ARHGEF28: variants seen among roughly 807,000 people sequenced by gnomAD.
ARHGEF28 encodes 190 kDa guanine nucleotide exchange factor.
ARHGEF28 carries 152 observed loss-of-function variants against 206.6 expected under a neutral mutation model. The ratio of observed to expected loss-of-function variants is 0.74; its 90% CI spans 0.64 to 0.84. ARHGEF28 has a LOEUF of 0.84. Among genes scored for constraint, ARHGEF28 ranks in the 40% least tolerant of loss-of-function variants. ARHGEF28 has a pLI of 0.00. For synonymous variants in ARHGEF28, 763 were observed against 776.4 expected (o/e 0.98, Z 0.29); for missense variants, 2,028 against 2,073.2 (o/e 0.98, Z 0.42).
intron 1 of ARHGEF28, among the ~76,000 whole-genome samples, chr5:73,667,152 C>T (rs1025240520): frequency 2.1e-4 from 32 of 152,090 alleles, no homozygotes; most frequent in African/African-American, 6.8e-4. Context: ...TTGTGGTTAG[C>T]GAGGGAGTGG....
chr5:73,927,938 T>G (rs1763909846), intron 35 of ARHGEF28, among the ~76,000 whole-genome samples: 1 of 152,186 alleles, frequency 6.6e-6, no homozygotes, highest in Non-Finnish European at 1.5e-5. Context: ...GTGGCTGTGG[T>G]TCGGAAAGAT....
At chr5:73,740,023 T>A (rs867605941) in intron 2 of ARHGEF28, among the ~76,000 whole-genome samples, 8 of 125,808 alleles carry the variant, frequency 6.4e-5, no homozygotes, top group African/African-American at 9.1e-5. Flanking sequence ...AAAAAAAAAA[T>A]TTAGCTAGGT....
At chr5:73,746,427 C>T (rs1292425675) in intron 2 of ARHGEF28, among the ~76,000 whole-genome samples, 1 of 151,850 alleles carries the variant, frequency 6.6e-6, no homozygotes, top group Non-Finnish European at 1.5e-5. Flanking sequence ...ATGTATTATG[C>T]CATGAGTATA....
intron 16 of ARHGEF28, among the ~76,000 whole-genome samples, chr5:73,863,584 C>T (rs1449226008): frequency 1.3e-5 from 2 of 151,836 alleles, no homozygotes; most frequent in Admixed American, 1.3e-4. Context: ...AGTCTCACAT[C>T]CTATTCTCCC....
chr5:73,674,051 G>C (rs1014085267), intron 1 of ARHGEF28, among the ~76,000 whole-genome samples: 27 of 150,984 alleles, frequency 1.8e-4, no homozygotes, highest in African/African-American at 6.3e-4. Flanking sequence ...TGCTCCTGCA[G>C]TTCCAGCTAC....
intron 35 of ARHGEF28, chr5:73,911,809 C>A: frequency 2.1e-6 from 1 of 470,290 alleles, no homozygotes. Context: ...ATGCTCACAA[C>A]ATGTGAGAAC....
intron 9 of ARHGEF28, chr5:73,813,805 G>A: frequency 1.1e-6 from 1 of 903,380 alleles, no homozygotes; most frequent in Non-Finnish European, 1.6e-6. Flanking sequence ...AACACTCACT[G>A]TACAGATACA....
intron 8 of ARHGEF28, 75 bp from the exon 9 acceptor site, chr5:73,795,256 C>A: frequency 7.2e-7 from 1 of 1,381,784 alleles, no homozygotes; most frequent in Non-Finnish European, 1.0e-6. Flanking sequence ...GGTTGTTTTT[C>A]TAGTTCACAA....
In ARHGEF28 at chr5:73,840,910, T is replaced by C. The variant is rs533101558; in HGVS notation, c.1427+150T>C. 34 of 902,884 alleles carry C rather than the reference T, an allele frequency of 3.8e-5. No homozygotes were observed. In the African/African-American group the frequency reaches 5.2e-4, roughly 14 times the overall value. 55.9% of individuals were successfully genotyped at this position (902,884 alleles called of 1,614,324 possible). On this transcript the variant is annotated intron_variant, in intron 11 of 35. Transcript: ENST00000513042. ...CTTTTAGGTTCCTATATTCACTGAT[T>C]TGAAAGTAAGACACTTAAGAAAACT...
intron 2 of ARHGEF28, among the ~76,000 whole-genome samples, chr5:73,700,727 T>C (rs1748548054): frequency 6.6e-6 from 1 of 152,172 alleles, no homozygotes; most frequent in Admixed American, 6.5e-5. Flanking sequence ...CATATCAAAA[T>C]ATCAAAGTGT....
At position 73,846,346 on chromosome 5, in the gene ARHGEF28, G is replaced by T. The variant is rs1228070531; in HGVS notation, c.1506G>T (p.Gly502=). Residue 502 remains glycine, a synonymous_variant, in exon 12 of 36, where the codon GGG becomes GGT. Transcript: ENST00000513042. ...SEPSHICYTP[G]SQSSSRTGIP... ...CATCCCACATCTGTTACACTCCAGGGTCTCAGAGCTCCTCAAGAACTGGGA... is the reference window on the plus strand; with the variant it reads ...CATCCCACATCTGTTACACTCCAGGTTCTCAGAGCTCCTCAAGAACTGGGA... The T allele has an allele frequency of 1.2e-6, 2 of 1,613,882 alleles. No individual in the cohort carries two copies. Among genetic ancestry groups the T allele is most frequent in the Admixed American group, 3.3e-5 (2 of 60,010 alleles).
At chr5:73,656,014 T>G (rs1471895307) in intron 1 of ARHGEF28, among the ~76,000 whole-genome samples, 3 of 152,292 alleles carry the variant, frequency 2.0e-5, no homozygotes, top group East Asian at 3.9e-4. Context: ...AGAACCAGTT[T>G]TTGAATGTCC....
At position 73,931,311 on chromosome 5, in the gene ARHGEF28, CAT is replaced by C. The variant is rs199806495; in HGVS notation, c.4949-9532_4949-9531del. ...TTGTCCCCTTATCTGAATTTTATCACATGTTTCAGTGAGGTCTTTCGTTAAAG... is the reference window on the plus strand; with the variant it reads ...TTGTCCCCTTATCTGAATTTTATCACGTTTCAGTGAGGTCTTTCGTTAAAG... On this transcript the variant is annotated intron_variant, in intron 35 of 35. Coordinates refer to ENST00000513042, the MANE Select transcript of ARHGEF28 (RefSeq NM_001177693.2). Among the ~76,000 whole-genome samples, 580 of 152,250 alleles carry C rather than the reference CAT, an allele frequency of 3.8e-3. 2 individuals carry two copies. The highest frequency in any genetic ancestry group is 0.013 in the African/African-American group (536 of 41,550).
intron 4 of ARHGEF28, among the ~76,000 whole-genome samples, chr5:73,755,901 C>A (rs1040571484): frequency 1.9e-4 from 29 of 152,136 alleles, no homozygotes; most frequent in Non-Finnish European, 3.8e-4. Flanking sequence ...CCAGGAGGTC[C>A]TTTCTGACCC....
chr5:73,698,646 G>C (rs562035416), intron 2 of ARHGEF28, among the ~76,000 whole-genome samples: 2 of 152,040 alleles, frequency 1.3e-5, no homozygotes, highest in South Asian at 4.2e-4. Flanking sequence ...TTGAGAATTC[G>C]CTACTGGGGA....
chr5:73,818,655 A>G (rs1054487103), intron 9 of ARHGEF28, among the ~76,000 whole-genome samples: 1 of 152,206 alleles, frequency 6.6e-6, no homozygotes, highest in African/African-American at 2.4e-5. Context: ...GCCTACTACC[A>G]TTGTCAGCAG....
chr5:73,846,854 T>C (rs923134994), intron 12 of ARHGEF28, among the ~76,000 whole-genome samples: 1 of 152,218 alleles, frequency 6.6e-6, no homozygotes, highest in African/African-American at 2.4e-5. Context: ...AATAATTGTA[T>C]GGCCCTGATG....
In ARHGEF28 at chr5:73,941,259, G is replaced by A. The variant is rs1180797431; in HGVS notation, c.*246G>A. 1 of 218,184 alleles carries A rather than the reference G, an allele frequency of 4.6e-6. No homozygotes were observed. Among genetic ancestry groups the A allele is most frequent in the Non-Finnish European group, 8.9e-6 (1 of 112,338 alleles). The allele number at this position is 218,184 out of a possible 1,614,324, so 13.5% of individuals were successfully genotyped here. On this transcript the variant is annotated 3_prime_UTR_variant, in exon 36 of 36. Coordinates refer to ENST00000513042, the MANE Select transcript of ARHGEF28 (RefSeq NM_001177693.2). ...CTGGAGGAGAAACTAACTTGAATAA[G>A]CAGGACTATTTTAAAAGTTGTTTTG... is the stretch of plus-strand genomic sequence containing the variant.
chr5:73,904,688 T>C, intron 33 of ARHGEF28: 1 of 421,674 alleles, frequency 2.4e-6, no homozygotes, highest in Admixed American at 4.1e-5. Flanking sequence ...ATGAAACTCT[T>C]AGGTGAGTGT....
Sources: gnomAD v4.1 joint callset for allele counts (sites outside exome capture counted in the v4.1 genomes callset) on GRCh38, gnomAD v4.1.1 for gene constraint, MANE v1.5 for transcripts, NCBI Gene and HGNC (gene_info 2026-07-23, HGNC 2026-07-21) for gene names.